The following ASB15 variants were observed in gnomAD, a reference collection of about 807,000 sequenced individuals.
ASB15 encodes the protein ankyrin repeat and SOCS box containing 15.
In ASB15, 54 loss-of-function variants were observed where a neutral mutation model predicts 58.0. The ratio of observed to expected loss-of-function variants is 0.93; its 90% CI spans 0.75 to 1.17. ASB15 has a LOEUF of 1.17. Ranked by LOEUF, ASB15 falls within the 50% of genes most tolerant of loss-of-function variation. The pLI, the probability that ASB15 is intolerant of heterozygous loss-of-function variation, is 0.00. For missense variants in ASB15, 680 were observed against 707.4 expected, an observed-to-expected ratio of 0.96 and a Z score of 0.44; for synonymous variants, 249 against 262.4, an observed-to-expected ratio of 0.95 and a Z score of 0.50.
intron 7 of ASB15, among the ~76,000 whole-genome samples, chr7:123,622,107 T>G (rs912927764): frequency 1.3e-5 from 2 of 152,242 alleles, no homozygotes; most frequent in Non-Finnish European, 2.9e-5. Flanking sequence ...AACCCTTGCC[T>G]ATCATCTATG....
At chr7:123,593,221 A>G (rs1799593184) in intron 1 of ASB15, among the ~76,000 whole-genome samples, 1 of 151,822 alleles carries the variant, frequency 6.6e-6, no homozygotes, top group African/African-American at 2.4e-5. Context: ...TTGACTTTTT[A>G]TCCAATTTGC....
At chr7:123,582,981 T>A (rs1799277631) in intron 1 of ASB15, among the ~76,000 whole-genome samples, 1 of 152,096 alleles carries the variant, frequency 6.6e-6, no homozygotes. Flanking sequence ...TACTAGCCTC[T>A]ATTTTAAAAT....
At chr7:123,617,532 A>G in intron 6 of ASB15, 47 bp from the exon 7 acceptor site, 6 of 1,507,608 alleles carry the variant, frequency 4.0e-6, no homozygotes, top group South Asian at 2.3e-5. Flanking sequence ...GTAATATCCT[A>G]TAAGTGAGTA....
chr7:123,584,946 T>C (rs1799335920), intron 1 of ASB15: 1 of 151,942 alleles, frequency 6.6e-6, no homozygotes, highest in Admixed American at 6.6e-5. Context: ...AGGGATCTTT[T>C]CTTAGTGCAC....
chr7:123,617,723 C>G lies in ASB15; in HGVS notation c.437C>G (p.Thr146Ser). 6.2e-7 allele frequency: 1 copy of G among 1,609,056 alleles called. No homozygotes were observed. Among genetic ancestry groups the G allele is most frequent in the Non-Finnish European group, 8.5e-7 (1 of 1,177,272 alleles). Residue 146 changes from threonine to serine, a missense_variant, in exon 7 of 12, where the codon ACC becomes AGC. Physicochemically the swap from Thr to Ser is moderately conservative, Grantham distance 58. Coordinates refer to ENST00000451215, the MANE Select transcript of ASB15 (RefSeq NM_001290258.2). ...WPNTKNDKGETPLLIAVKKGS... is the reference protein window; with the variant it reads ...WPNTKNDKGESPLLIAVKKGS... ...AACACAAAAAATGATAAAGGAGAGA[C>G]CCCCCTTCTGATTGGTAAATGACCT... is the stretch of plus-strand genomic sequence containing the variant.
chr7:123,620,540 A>T (rs1481663825), intron 7 of ASB15, among the ~76,000 whole-genome samples: 1 of 18,714 alleles, frequency 5.3e-5, no homozygotes, highest in Non-Finnish European at 1.0e-4. Flanking sequence ...ATATATATAT[A>T]TATATATATA....
At position 123,616,253 on chromosome 7, in the gene ASB15, T is replaced by C. The variant is rs140670694; in HGVS notation, c.140T>C (p.Leu47Pro). The part of the protein sequence containing the change: ...FVPLSAQNRK[L>P]VEAIKQGHIP... ...CCCCTAAGTGCTCAAAACAGAAAACTTGTGGAGGCCATAAAACAAGGTAAA... is the reference window on the plus strand; with the variant it reads ...CCCCTAAGTGCTCAAAACAGAAAACCTGTGGAGGCCATAAAACAAGGTAAA... The change falls in exon 5 of 12, where the codon CTT becomes CCT. Residue 47 changes from leucine (L) to proline (P), a missense_variant. Leu to Pro is a moderately conservative substitution (Grantham distance 98, BLOSUM62 -3). Transcript: ENST00000451215. The C allele has an allele frequency of 3.1e-6, 5 of 1,608,970 alleles. No individual in the cohort carries two copies. The highest frequency in any genetic ancestry group is 4.5e-5 in the East Asian group (2 of 44,798).
intron 1 of ASB15, among the ~76,000 whole-genome samples, chr7:123,583,727 AGCAT>A (rs1271902770): frequency 1.3e-5 from 2 of 151,936 alleles, no homozygotes; most frequent in Non-Finnish European, 2.9e-5. Context: ...CTGATCCTTA[AGCAT>A]AAGAACACTG....
chr7:123,602,884 G>T (rs182778883), intron 1 of ASB15, among the ~76,000 whole-genome samples: 1 of 152,008 alleles, frequency 6.6e-6, no homozygotes, highest in Non-Finnish European at 1.5e-5. Context: ...AGATGACTGG[G>T]CTATATCCCA....
chr7:123,624,873 C>G, intron 8 of ASB15, 59 bp downstream of exon 8: 1 of 1,523,464 alleles, frequency 6.6e-7, no homozygotes, highest in South Asian at 1.3e-5. Context: ...CTCTCCTTTT[C>G]TCCATTCATC....
chr7:123,598,665 C>G (rs1799777722), upstream of ASB15: 1 of 152,172 alleles, frequency 6.6e-6, no homozygotes, highest in African/African-American at 2.4e-5. Context: ...GTGCCAAAAA[C>G]TTTACTAGAC....
intron 3 of ASB15, among the ~76,000 whole-genome samples, chr7:123,611,361 C>G (rs1800446567): frequency 6.6e-6 from 1 of 152,136 alleles, no homozygotes; most frequent in South Asian, 2.1e-4. Context: ...GTGGCGCGAT[C>G]TCGGCTCACT....
chr7:123,629,456 T>G, intron 10 of ASB15, 22 bp downstream of exon 10: 1 of 1,517,830 alleles, frequency 6.6e-7, no homozygotes, highest in Non-Finnish European at 9.0e-7. Context: ...CTTTTCTGCT[T>G]TATATTGAGT....
chr7:123,619,668 C>T (rs1428012876), intron 7 of ASB15, among the ~76,000 whole-genome samples: 1 of 152,090 alleles, frequency 6.6e-6, no homozygotes, highest in African/African-American at 2.4e-5. Context: ...GGACTACAGG[C>T]GCCCGCCACC....
At chr7:123,623,956 AAAGAAAGAAAG>A (rs1562935975) in intron 7 of ASB15, among the ~76,000 whole-genome samples, 52 of 136,432 alleles carry the variant, frequency 3.8e-4, no homozygotes, top group Admixed American at 6.4e-4. Context: ...AGAAAGAAAG[AAAGAAAGAAAG>A]AAAGAAAGAA....
chr7:123,611,629 A>G (rs569960153), intron 3 of ASB15, among the ~76,000 whole-genome samples: 7 of 152,324 alleles, frequency 4.6e-5, no homozygotes, highest in Middle Eastern at 6.8e-3. Context: ...CACAGGCTCC[A>G]TAGAGAACTG....
At chr7:123,617,423 C>A (rs561095842) in intron 6 of ASB15, among the ~76,000 whole-genome samples, 156 bp from the exon 7 acceptor site, 19 of 152,298 alleles carry the variant, frequency 1.2e-4, no homozygotes, top group Admixed American at 7.2e-4. Flanking sequence ...TCTACTTTAT[C>A]CTCACCGTCA....
At chr7:123,586,475 T>C (rs1382558242) in intron 1 of ASB15, among the ~76,000 whole-genome samples, 1 of 151,830 alleles carries the variant, frequency 6.6e-6, no homozygotes, top group Non-Finnish European at 1.5e-5. Flanking sequence ...ATTTTGGATA[T>C]ATGTTTTGTA....
chr7:123,624,990 C>A, intron 8 of ASB15, 176 bp downstream of exon 8: 2 of 701,188 alleles, frequency 2.9e-6, no homozygotes, highest in Non-Finnish European at 4.6e-6. Context: ...TATTCTACAA[C>A]TCAGCTAAGC....
Sources: allele counts gnomAD v4.1 joint callset (sites outside exome capture counted in the v4.1 genomes callset), GRCh38; gene constraint gnomAD v4.1.1; transcripts MANE v1.5; gene names NCBI Gene and HGNC (gene_info 2026-07-23, HGNC 2026-07-21).